CNTN5: variants seen among roughly 807,000 people sequenced by gnomAD.
CNTN5 encodes the protein contactin 5, also known as contactin-5.
A neutral mutation model predicts 129.1 loss-of-function variants in CNTN5; 77 were observed. That is an observed-to-expected ratio of 0.60 (90% CI 0.50 to 0.72). The LOEUF (loss-of-function observed/expected upper bound fraction) is 0.72, where lower values mean the gene tolerates loss of function less well. CNTN5 is among the 30% of genes least tolerant of loss of function. The probability of loss-of-function intolerance (pLI) is 0.00; values close to 1 mark genes in which losing one functional copy is unlikely to be tolerated. For missense variants in CNTN5, 1,478 were observed against 1,328.8 expected (o/e 1.11, Z -1.75); for synonymous variants, 509 against 465.6 (o/e 1.09, Z -1.20).
chr11:99,649,950 C>G (rs1401335999), intron 3 of CNTN5, among the ~76,000 whole-genome samples: 1 of 151,618 alleles, frequency 6.6e-6, no homozygotes, highest in African/African-American at 2.4e-5. Context: ...AGGAATGATT[C>G]TTGGAATACC....
intron 1 of CNTN5, among the ~76,000 whole-genome samples, chr11:99,230,464 A>T (rs1380064705): frequency 6.6e-6 from 1 of 152,102 alleles, no homozygotes; most frequent in East Asian, 1.9e-4. Flanking sequence ...CTGACTAACC[A>T]AGTTTGCTTA....
intron 1 of CNTN5, among the ~76,000 whole-genome samples, chr11:99,166,759 C>CTTT (rs10700454): frequency 3.5e-4 from 50 of 143,940 alleles, no homozygotes; most frequent in Non-Finnish European, 4.4e-4. Flanking sequence ...TTTCCTTTTT[C>CTTT]TTTTTTTTTT....
intron 3 of CNTN5, among the ~76,000 whole-genome samples, chr11:99,584,074 C>G (rs1289439220): frequency 6.6e-6 from 1 of 152,124 alleles, no homozygotes; most frequent in Non-Finnish European, 1.5e-5. Flanking sequence ...TTACTGGGAT[C>G]AAAGGGATTA....
At chr11:99,376,863 T>C (rs1392789814) in intron 2 of CNTN5, among the ~76,000 whole-genome samples, 1 of 152,230 alleles carries the variant, frequency 6.6e-6, no homozygotes, top group East Asian at 1.9e-4. Context: ...ATTCTCATGA[T>C]GCACAATGAC....
At chr11:99,937,689 G>A (rs1013756557) in intron 7 of CNTN5, among the ~76,000 whole-genome samples, 2 of 152,164 alleles carry the variant, frequency 1.3e-5, no homozygotes, top group Admixed American at 6.5e-5. Flanking sequence ...TTTCACTTAG[G>A]ACATGAACTC....
chr11:99,841,845 CACACACATATATAT>C (rs1245313174), intron 4 of CNTN5, among the ~76,000 whole-genome samples: 2 of 144,056 alleles, frequency 1.4e-5, no homozygotes, highest in African/African-American at 5.1e-5. Flanking sequence ...TACACACACA[CACACACATATATAT>C]ACACACATAT....
intron 13 of CNTN5, among the ~76,000 whole-genome samples, chr11:100,165,338 T>A (rs1248696334): frequency 6.6e-6 from 1 of 151,780 alleles, no homozygotes; most frequent in Non-Finnish European, 1.5e-5. Context: ...CTCTCCTCTG[T>A]TATCAGTGTT....
At chr11:99,910,725 T>C (rs2135990087) in intron 6 of CNTN5, among the ~76,000 whole-genome samples, 1 of 152,248 alleles carries the variant, frequency 6.6e-6, no homozygotes, top group African/African-American at 2.4e-5. Flanking sequence ...AGAGTAGGTA[T>C]GTTAGTAGCT....
chr11:100,031,813 A>G (rs1367096232), intron 9 of CNTN5, among the ~76,000 whole-genome samples: 12 of 152,186 alleles, frequency 7.9e-5, no homozygotes, highest in African/African-American at 2.4e-5. Context: ...CTTCATCCCC[A>G]TATGACCATC....
At chr11:100,307,107 G>C (rs904621635) in intron 20 of CNTN5, among the ~76,000 whole-genome samples, 3 of 151,526 alleles carry the variant, frequency 2.0e-5, no homozygotes, top group African/African-American at 7.3e-5. Context: ...ATATATAAAA[G>C]CGTTCCAGAC....
chr11:99,562,594 T>C (rs1367641226), intron 3 of CNTN5, among the ~76,000 whole-genome samples: 1 of 152,156 alleles, frequency 6.6e-6, no homozygotes. Context: ...AGACTAAGCA[T>C]AGCATTCTGA....
chr11:99,736,843 G>A (rs963483719), intron 3 of CNTN5, among the ~76,000 whole-genome samples: 5 of 151,838 alleles, frequency 3.3e-5, no homozygotes, highest in Non-Finnish European at 7.4e-5. Flanking sequence ...ATAAAATATA[G>A]CCTTGTATAC....
intron 2 of CNTN5, among the ~76,000 whole-genome samples, chr11:99,376,966 G>A (rs568135646): frequency 1.3e-5 from 2 of 152,096 alleles, no homozygotes; most frequent in Admixed American, 6.6e-5. Context: ...TGATCTGTGC[G>A]CTGTCTTACT....
At chr11:99,315,245 TA>T (rs138661255) in intron 1 of CNTN5, among the ~76,000 whole-genome samples, 23,751 of 148,972 alleles carry the variant, frequency 0.16, 3,544 homozygotes, top group South Asian at 0.26. Context: ...AAAAAAAAAG[TA>T]TTACAAATGA....
intron 13 of CNTN5, among the ~76,000 whole-genome samples, chr11:100,118,464 G>A (rs1945911041): frequency 6.6e-6 from 1 of 151,890 alleles, no homozygotes; most frequent in South Asian, 2.1e-4. Flanking sequence ...GATATAAAAT[G>A]CAAATGACTC....
intron 18 of CNTN5, among the ~76,000 whole-genome samples, chr11:100,275,135 G>T (rs1027318704): frequency 6.6e-6 from 1 of 151,016 alleles, no homozygotes; most frequent in Non-Finnish European, 1.5e-5. Context: ...TGTTGGAAAA[G>T]GTTCATCCAC....
At chr11:99,351,856 G>A (rs1422633651) in intron 2 of CNTN5, among the ~76,000 whole-genome samples, 2 of 152,174 alleles carry the variant, frequency 1.3e-5, no homozygotes, top group African/African-American at 4.8e-5. Context: ...GATCTCCAAT[G>A]AAGCATAGTT....
chr11:100,062,492 A>G (rs1943524240), intron 10 of CNTN5, among the ~76,000 whole-genome samples: 1 of 152,236 alleles, frequency 6.6e-6, no homozygotes. Flanking sequence ...AGTGCCTCGT[A>G]CTGCTCTACA....
intron 13 of CNTN5, among the ~76,000 whole-genome samples, chr11:100,187,164 A>G (rs1370187918): frequency 6.6e-6 from 1 of 152,084 alleles, no homozygotes; most frequent in East Asian, 1.9e-4. Context: ...GCTATTGTAA[A>G]TGGGATTATG....
Sources: allele counts gnomAD v4.1 joint callset (sites outside exome capture counted in the v4.1 genomes callset), GRCh38; gene constraint gnomAD v4.1.1; transcripts MANE v1.5; gene names NCBI Gene and HGNC (gene_info 2026-07-23, HGNC 2026-07-21).